PUF60: variants seen among roughly 807,000 people sequenced by gnomAD.
The protein encoded by PUF60 is poly(U) binding splicing factor 60.
In PUF60, 10 loss-of-function variants were observed where a neutral mutation model predicts 61.8. That is an observed-to-expected ratio of 0.16 (90% CI 0.10 to 0.27). The LOEUF (loss-of-function observed/expected upper bound fraction) is 0.27, where lower values mean the gene tolerates loss of function less well. Among genes scored for constraint, PUF60 ranks in the 10% least tolerant of loss-of-function variants. PUF60 has a pLI of 1.00. For missense variants in PUF60, 371 were observed against 754.0 expected, an observed-to-expected ratio of 0.49 and a Z score of 5.95; for synonymous variants, 353 against 300.9, an observed-to-expected ratio of 1.17 and a Z score of -1.79.
intron 1 of PUF60, chr8:143,829,013 C>T (rs1409458180): frequency 1.0e-6 from 1 of 996,610 alleles, no homozygotes; most frequent in Non-Finnish European, 1.2e-6. Flanking sequence ...CCCCGCCAGG[C>T]TCGCCCGCAA....
rs112978451 is a variant in PUF60 at position 143,822,087 on chromosome 8, G to C, written c.112-174C>G. On this transcript the variant is annotated intron_variant, in intron 2 of 11. Transcript: ENST00000526683. ...TGTCTCCCCCGGGACCCATGGGGTA[G>C]AACACAGACTGAGGCAGGCAGGTGC... is the stretch of plus-strand genomic sequence containing the variant. Among the ~76,000 whole-genome samples the C allele has an allele frequency of 5.8e-3, 876 of 152,268 alleles. 8 individuals carry two copies. The highest frequency in any genetic ancestry group is 0.02 in the African/African-American group (821 of 41,552).
chr8:143,825,636 C>T (rs1817556482), intron 1 of PUF60, among the ~76,000 whole-genome samples: 1 of 152,168 alleles, frequency 6.6e-6, no homozygotes, highest in South Asian at 2.1e-4. Context: ...GCATGCGCCG[C>T]CACACCTGGC....
chr8:143,821,390 T>C (rs1817002270), intron 4 of PUF60: 4 of 606,748 alleles, frequency 6.6e-6, no homozygotes. Flanking sequence ...TGCGGCGCTT[T>C]AGGGGCTCCA....
In PUF60 at chr8:143,817,309, T is replaced by C. The variant is rs759516043; in HGVS notation, c.1144+22A>G. On this transcript the variant is annotated intron_variant, in intron 10 of 11. Transcript: ENST00000526683. The surrounding 1 kb of genome is among the most constrained non-coding windows in gnomAD (Gnocchi z 7.4). ...GATGCCAGGACAGGAGAGGAGAGGATCTGGTACCACTTAAGACTCACCTGT... is the reference window on the plus strand; with the variant it reads ...GATGCCAGGACAGGAGAGGAGAGGACCTGGTACCACTTAAGACTCACCTGT... 9.5e-6 allele frequency: 15 copies of C among 1,575,788 alleles called. 1 individual carries two copies. In the South Asian group the frequency reaches 1.5e-4, roughly 16 times the overall value.
intron 2 of PUF60, chr8:143,822,615 C>G (rs1817152756): frequency 2.2e-6 from 1 of 456,064 alleles, no homozygotes; most frequent in Non-Finnish European, 4.4e-6. Context: ...CACTGGCACC[C>G]TAGCCAGGTG....
Position 143,824,407 on chromosome 8 carries a change from C to A in PUF60, c.25-8G>T, listed in dbSNP as rs759764636. The A allele has an allele frequency of 6.2e-7, 1 of 1,610,948 alleles. No individual in the cohort carries two copies. The highest frequency in any genetic ancestry group is 8.5e-7 in the Non-Finnish European group (1 of 1,179,670). On this transcript the variant is annotated splice_region_variant and splice_polypyrimidine_tract_variant and intron_variant, in intron 1 of 11. Coordinates refer to ENST00000526683, the MANE Select transcript of PUF60 (RefSeq NM_078480.3). ...TTGCTGGCCATTGACCTGCTGCAGGCAGGAAGGAGATGTTGTAACGACAGG... is the reference window on the plus strand; with the variant it reads ...TTGCTGGCCATTGACCTGCTGCAGGAAGGAAGGAGATGTTGTAACGACAGG...
intron 1 of PUF60, 125 bp from the exon 2 acceptor site, chr8:143,824,524 C>T: frequency 2.2e-6 from 2 of 923,634 alleles, no homozygotes; most frequent in Non-Finnish European, 3.3e-6. Context: ...GGGAGGCATT[C>T]CCGACATGAC....
intron 2 of PUF60, among the ~76,000 whole-genome samples, chr8:143,824,062 G>C (rs1012608501): frequency 2.0e-5 from 3 of 152,270 alleles, no homozygotes; most frequent in African/African-American, 7.2e-5. Flanking sequence ...GGCCCCGCCT[G>C]GTGCTTGGAG....
intron 1 of PUF60, chr8:143,829,019 C>G (rs545960748): frequency 6.0e-6 from 6 of 998,044 alleles, no homozygotes; most frequent in Admixed American, 6.0e-5. Context: ...CAGGCTCGCC[C>G]GCAAGGGCCA....
chr8:143,821,335 A>G, intron 4 of PUF60: 4 of 585,624 alleles, frequency 6.8e-6, no homozygotes, highest in Non-Finnish European at 1.2e-5. Flanking sequence ...GAAGACCAGG[A>G]AGGGGAAAAG....
At chr8:143,821,478 A>C (rs1195020983) in intron 4 of PUF60, 119 bp downstream of exon 4, 3 of 945,048 alleles carry the variant, frequency 3.2e-6, no homozygotes, top group East Asian at 2.6e-5. Context: ...AGTCTTTGAG[A>C]ATCGGAGCAC....
At chr8:143,826,283 A>G (rs1404856542) in intron 1 of PUF60, among the ~76,000 whole-genome samples, 2 of 152,250 alleles carry the variant, frequency 1.3e-5, no homozygotes, top group African/African-American at 2.4e-5. Context: ...TTCCATCAGA[A>G]AACAAGAAAA....
chr8:143,827,589 C>T (rs1817776303), intron 1 of PUF60: 23 of 378,864 alleles, frequency 6.1e-5, no homozygotes, highest in South Asian at 4.2e-4. Context: ...CCAACCAGGA[C>T]GGTGGGAACA....
At position 143,816,984 on chromosome 8, in the gene PUF60, C is replaced by T. The variant is rs1816388481; in HGVS notation, c.1306G>A (p.Glu436Lys). 5 of 1,604,710 alleles carry T rather than the reference C, an allele frequency of 3.1e-6. No individual in the cohort carries two copies. Among genetic ancestry groups the T allele is most frequent in the Non-Finnish European group, 4.3e-6 (5 of 1,176,018 alleles). The change falls in exon 11 of 12, where the codon GAG becomes AAG. Residue 436 changes from glutamate (E) to lysine (K), a missense_variant. Coordinates refer to ENST00000526683, the MANE Select transcript of PUF60 (RefSeq NM_078480.3). Reference protein sequence around the residue: ...PESERPEMLSEQEHMSISGSS... With the variant: ...PESERPEMLSKQEHMSISGSS... ...CCCGAGATGCTCATGTGCTCCTGCT[C>T]GCTCAGCATCTCTGGCCGCTCTGAC... is the stretch of plus-strand genomic sequence containing the variant.
rs760342778 is a variant in PUF60, at chr8:143,821,803, G to A, written c.207+15C>T. On this transcript the variant is annotated intron_variant, in intron 3 of 11. Coordinates refer to ENST00000526683, the MANE Select transcript of PUF60 (RefSeq NM_078480.3). ...CTGTCCCACACCTGCAGTGCCCTGG[G>A]AGGTCCATGCTCACCTTCTGAAGGG... 22 of 1,606,956 alleles carry A rather than the reference G, an allele frequency of 1.4e-5. No individual in the cohort carries two copies. In the South Asian group the frequency reaches 2.4e-4, roughly 18 times the overall value.
chr8:143,824,282 G>A, intron 2 of PUF60, 31 bp downstream of exon 2: 1 of 1,558,580 alleles, frequency 6.4e-7, no homozygotes, highest in Admixed American at 1.9e-5. Flanking sequence ...AGGCGGGCGG[G>A]CCTGAGGGAG....
chr8:143,826,247 C>T (rs1175741619), intron 1 of PUF60, among the ~76,000 whole-genome samples: 4 of 152,210 alleles, frequency 2.6e-5, no homozygotes, highest in African/African-American at 2.4e-5. Context: ...GACTGCCTTT[C>T]CTCAGCCCAG....
Position 143,816,834 on chromosome 8 carries a change from C to G in PUF60, c.1381-15G>C. On this transcript the variant is annotated splice_polypyrimidine_tract_variant and intron_variant, in intron 11 of 11. Transcript: ENST00000526683. ...ATCACTGTAGACTGTGGGGCAGGGC[C>G]GAGGGGAAGACAGCTGAGCACTGCG... 1 of 1,609,264 alleles carries G rather than the reference C, an allele frequency of 6.2e-7. No homozygotes were observed. The highest frequency in any genetic ancestry group is 1.1e-5 in the South Asian group (1 of 90,890).
chr8:143,829,019 C>T lies in PUF60; in HGVS notation c.24+261G>A, dbSNP rs545960748. On this transcript the variant is annotated intron_variant, in intron 1 of 11. Transcript: ENST00000526683. ...GGAACGCAACCCCGCCAGGCTCGCC[C>T]GCAAGGGCCACACGCCGCGCCCAGG... is the stretch of plus-strand genomic sequence containing the variant. 1.0e-4 allele frequency: 102 copies of T among 998,044 alleles called. No individual in the cohort carries two copies. In the East Asian group the frequency reaches 9.6e-3, roughly 93 times the overall value. The allele number at this position is 998,044 out of a possible 1,614,324, so 61.8% of individuals were successfully genotyped here. A position where few individuals can be genotyped will look rare whatever the true frequency, so the allele number is the denominator to read the frequency against.
Sources: allele counts gnomAD v4.1 joint callset (sites outside exome capture counted in the v4.1 genomes callset), GRCh38; gene constraint gnomAD v4.1.1; non-coding constraint Gnocchi (gnomAD v3.1); transcripts MANE v1.5; gene names NCBI Gene and HGNC (gene_info 2026-07-23, HGNC 2026-07-21).